DCTN4: variants seen among roughly 807,000 people sequenced by gnomAD.
DCTN4 encodes dynactin subunit 4.
DCTN4 carries 23 observed loss-of-function variants against 62.7 expected under a neutral mutation model. The observed-to-expected ratio is 0.37, with a 90% CI of 0.26 to 0.52. The LOEUF (loss-of-function observed/expected upper bound fraction) is 0.52. Ranked by LOEUF, DCTN4 falls within the 20% of genes least tolerant of loss-of-function variation. The pLI, the probability that DCTN4 is intolerant of heterozygous loss-of-function variation, is 0.92. For missense variants in DCTN4, 514 were observed against 580.4 expected, an observed-to-expected ratio of 0.89 and a Z score of 1.18; for synonymous variants, 199 against 202.1, an observed-to-expected ratio of 0.98 and a Z score of 0.13.
intron 3 of DCTN4, 81 bp from the exon 4 acceptor site, chr5:150,742,238 A>G: frequency 7.1e-7 from 1 of 1,400,952 alleles, no homozygotes; most frequent in Non-Finnish European, 1.0e-6. Flanking sequence ...TGTAGGCCAT[A>G]AAAAGAAACT....
chr5:150,731,479 C>G lies in DCTN4; in HGVS notation c.548G>C (p.Gly183Ala). Residue 183 changes from glycine to alanine, a missense_variant, in exon 6 of 13, where the codon GGT (glycine) becomes GCT (alanine). Transcript: ENST00000447998. ...YMPLAFSDKY[G>A]LGTRLQRPRA... ...TGGTCGCTGAAGCCTGGTTCCAAGA[C>G]CATATTTGTCCTAAACAAAGTTCAG... The G allele has an allele frequency of 6.2e-7, 1 of 1,613,240 alleles. No homozygotes were observed. Among genetic ancestry groups the G allele is most frequent in the African/African-American group, 1.3e-5 (1 of 75,002 alleles).
At chr5:150,754,776 C>A (rs1752795838) in intron 2 of DCTN4, among the ~76,000 whole-genome samples, 1 of 152,078 alleles carries the variant, frequency 6.6e-6, no homozygotes, top group African/African-American at 2.4e-5. Context: ...CCAGCCTGGG[C>A]AACATGGCAA....
chr5:150,732,037 C>G, intron 5 of DCTN4: 1 of 809,802 alleles, frequency 1.2e-6, no homozygotes, highest in South Asian at 1.5e-5. Context: ...CAAATTCTAC[C>G]TCTAAATATA....
chr5:150,742,637 C>T (rs755351331), intron 3 of DCTN4, among the ~76,000 whole-genome samples: 3 of 152,118 alleles, frequency 2.0e-5, no homozygotes, highest in African/African-American at 4.8e-5. Flanking sequence ...AAGCACACAG[C>T]ATAAATCACA....
In DCTN4 at chr5:150,745,607, C is replaced by A. The variant is rs192216976; in HGVS notation, c.386-3450G>T. ...ACAAAGCGTCTCTCAGACCACAGTGCAATCAAACTAGAACTCAGGATTAAG... is the reference window on the plus strand; with the variant it reads ...ACAAAGCGTCTCTCAGACCACAGTGAAATCAAACTAGAACTCAGGATTAAG... On this transcript the variant is annotated intron_variant, in intron 3 of 12. Transcript: ENST00000447998. Among the ~76,000 whole-genome samples, 820 of 152,252 alleles carry A rather than the reference C, an allele frequency of 5.4e-3. 7 individuals are homozygous for A. Among genetic ancestry groups the A allele is most frequent in the African/African-American group, 0.019 (795 of 41,552 alleles).
chr5:150,746,261 A>G (rs1760958146), intron 3 of DCTN4, among the ~76,000 whole-genome samples: 1 of 151,064 alleles, frequency 6.6e-6, no homozygotes, highest in African/African-American at 2.5e-5. Context: ...GAATCTCTGA[A>G]TAGACCAATA....
chr5:150,740,817 T>C (rs1760740970), intron 4 of DCTN4, among the ~76,000 whole-genome samples: 1 of 152,142 alleles, frequency 6.6e-6, no homozygotes, highest in Non-Finnish European at 1.5e-5. Context: ...CCAAACATCA[T>C]ACATTCTCAC....
At chr5:150,731,974 C>T (rs147425597) in intron 5 of DCTN4, 41 of 1,384,098 alleles carry the variant, frequency 3.0e-5, no homozygotes, top group African/African-American at 2.3e-4. Flanking sequence ...TAGAAGCAAA[C>T]GCATATAGCA....
At chr5:150,721,968 G>A (rs1327297932) in intron 9 of DCTN4, among the ~76,000 whole-genome samples, 1 of 152,048 alleles carries the variant, frequency 6.6e-6, no homozygotes, top group African/African-American at 2.4e-5. Context: ...AGGACTACAG[G>A]TGCATGCCAC....
At chr5:150,742,296 A>G (rs1760797754) in intron 3 of DCTN4, 139 bp from the exon 4 acceptor site, 1 of 813,700 alleles carries the variant, frequency 1.2e-6, no homozygotes, top group Non-Finnish European at 2.0e-6. Flanking sequence ...ACTATAGACT[A>G]TAATGTTCAG....
chr5:150,718,250 G>C, intron 11 of DCTN4, 26 bp downstream of exon 11: 1 of 1,549,278 alleles, frequency 6.5e-7, no homozygotes, highest in Non-Finnish European at 8.9e-7. Flanking sequence ...GTGCGGGTCA[G>C]TCAGGCTGAG....
At chr5:150,755,950 T>A (rs1452158083) in intron 2 of DCTN4, among the ~76,000 whole-genome samples, 1 of 151,936 alleles carries the variant, frequency 6.6e-6, no homozygotes, top group Non-Finnish European at 1.5e-5. Context: ...GTAGAAAATC[T>A]ATTTCAAAAA....
intron 12 of DCTN4, among the ~76,000 whole-genome samples, chr5:150,713,268 T>G (rs1466572555): frequency 6.6e-6 from 1 of 152,052 alleles, no homozygotes; most frequent in East Asian, 1.9e-4. Context: ...CAAAACAAAT[T>G]TGGATTTCTG....
At chr5:150,732,695 T>C (rs999124359) in intron 5 of DCTN4, among the ~76,000 whole-genome samples, 3 of 152,150 alleles carry the variant, frequency 2.0e-5, no homozygotes, top group African/African-American at 7.2e-5. Flanking sequence ...TGAATGTCAA[T>C]TTGCTGGGCC....
At position 150,710,931 on chromosome 5, in the gene DCTN4, A is replaced by T. The variant is rs1190256076; in HGVS notation, c.*218T>A. On this transcript the variant is annotated 3_prime_UTR_variant, in exon 13 of 13. Transcript: ENST00000447998. ...CAACGTGCAGGGTTCAGTGAGGGAG[A>T]CACAGACTTACTGGTGTCAACAGGG... 5 of 566,842 alleles carry T rather than the reference A, an allele frequency of 8.8e-6. No homozygotes were observed. The highest frequency in any genetic ancestry group is 1.6e-5 in the Non-Finnish European group (5 of 316,098). 35.1% of individuals were successfully genotyped at this position (566,842 alleles called of 1,614,324 possible). A position where few individuals can be genotyped will look rare whatever the true frequency, so the allele number is the denominator to read the frequency against.
chr5:150,724,282 T>C (rs1760061068), intron 8 of DCTN4, among the ~76,000 whole-genome samples: 1 of 152,174 alleles, frequency 6.6e-6, no homozygotes, highest in Non-Finnish European at 1.5e-5. Flanking sequence ...TGCCATAACT[T>C]GAATGTTAGG....
At position 150,708,966 on chromosome 5, in the gene DCTN4, T is replaced by C. The variant is rs1220724369; in HGVS notation, c.*2183A>G. The C allele has an allele frequency of 2.0e-5, 3 of 152,830 alleles. No homozygotes were observed. Among genetic ancestry groups the C allele is most frequent in the Non-Finnish European group, 2.9e-5 (2 of 68,054 alleles). 9.5% of individuals were successfully genotyped at this position (152,830 alleles called of 1,614,324 possible). On this transcript the variant is annotated 3_prime_UTR_variant, in exon 13 of 13. Transcript: ENST00000447998. The stretch of plus-strand genomic sequence containing the variant: ...ATCAAGTAACAAATCCAAATTAACT[T>C]AGCCTAAGTTTCCAAAGCTGTAGTT...
At chr5:150,758,541 T>C in intron 1 of DCTN4, 1 of 1,046,570 alleles carries the variant, frequency 9.6e-7, no homozygotes, top group Non-Finnish European at 1.2e-6. Context: ...TTAAGTGGCC[T>C]GAACTAAGCA....
At chr5:150,754,677 A>C (rs1382123802) in intron 2 of DCTN4, among the ~76,000 whole-genome samples, 1 of 152,238 alleles carries the variant, frequency 6.6e-6, no homozygotes, top group Non-Finnish European at 1.5e-5. Context: ...CAGAAAATAT[A>C]CAAGATGAGG....
Sources: allele counts gnomAD v4.1 joint callset (sites outside exome capture counted in the v4.1 genomes callset), GRCh38; gene constraint gnomAD v4.1.1; transcripts MANE v1.5; gene names NCBI Gene and HGNC (gene_info 2026-07-23, HGNC 2026-07-21).